SORCS1: variants seen among roughly 807,000 people sequenced by gnomAD.
SORCS1 encodes the protein sortilin related VPS10 domain containing receptor 1.
A neutral mutation model predicts 146.1 loss-of-function variants in SORCS1; 60 were observed. The ratio of observed to expected loss-of-function variants is 0.41; its 90% CI spans 0.33 to 0.51. The LOEUF is 0.51. Among genes scored for constraint, SORCS1 ranks in the 20% least tolerant of loss-of-function variants. The pLI is 0.21. For missense variants in SORCS1, 1,352 were observed against 1,487.6 expected, an observed-to-expected ratio of 0.91 and a Z score of 1.50; for synonymous variants, 637 against 584.0, an observed-to-expected ratio of 1.09 and a Z score of -1.31.
At chr10:106,767,278 G>C (rs1589833960) in intron 4 of SORCS1, among the ~76,000 whole-genome samples, 1 of 152,104 alleles carries the variant, frequency 6.6e-6, no homozygotes, top group Non-Finnish European at 1.5e-5. Flanking sequence ...TTCCCCAGCT[G>C]TCACTGAAGT....
intron 1 of SORCS1, among the ~76,000 whole-genome samples, chr10:106,969,459 A>T (rs1955661359): frequency 6.6e-6 from 1 of 152,210 alleles, no homozygotes; most frequent in African/African-American, 2.4e-5. Context: ...AGGCCTAGGT[A>T]CAGAAGGAAG....
In SORCS1 at chr10:107,137,522, T is replaced by C. The variant is rs191060221; in HGVS notation, c.558+26447A>G. Among the ~76,000 whole-genome samples the C allele has an allele frequency of 2.0e-5, 3 of 152,278 alleles. No individual in the cohort carries two copies. The East Asian group carries it at 5.8e-4, about 29-fold the overall frequency. ...ATAGTGTCAGTTACAAGAATATTCA[T>C]AGCAAAAATATCTGTCCCAAAACTG... On this transcript the variant is annotated intron_variant, in intron 1 of 25. Transcript: ENST00000263054.
Position 107,060,021 on chromosome 10 carries a change from A to T in SORCS1, c.559-103441T>A, listed in dbSNP as rs1822326402. Among the ~76,000 whole-genome samples the T allele has an allele frequency of 6.6e-6, 1 of 152,154 alleles. No homozygotes were observed. The highest frequency in any genetic ancestry group is 2.4e-5 in the African/African-American group (1 of 41,430). On this transcript the variant is annotated intron_variant, in intron 1 of 25. Transcript: ENST00000263054. The surrounding 1 kb of genome is among the most constrained non-coding windows in gnomAD (Gnocchi z 4.1). ...TCAAAGAATGCTTCTGACAGATGAC[A>T]CAGTGGTCTTTAATCTACCATGTGT...
At chr10:106,733,684 C>A (rs1044807841) in intron 5 of SORCS1, among the ~76,000 whole-genome samples, 4 of 152,168 alleles carry the variant, frequency 2.6e-5, no homozygotes, top group African/African-American at 9.7e-5. Flanking sequence ...CAAAGAAAAA[C>A]AGCATCAACA....
intron 24 of SORCS1, among the ~76,000 whole-genome samples, chr10:106,580,619 A>G (rs1844847217): frequency 6.6e-6 from 1 of 152,160 alleles, no homozygotes; most frequent in African/African-American, 2.4e-5. Context: ...GTGACCTTTA[A>G]TCACCATTTT....
intron 17 of SORCS1, among the ~76,000 whole-genome samples, chr10:106,655,013 C>T (rs945472247): frequency 7.2e-5 from 11 of 152,198 alleles, no homozygotes; most frequent in Middle Eastern, 3.4e-3. Flanking sequence ...TGTGCCACCA[C>T]GAATGGCTAA....
At chr10:106,947,189 T>C (rs1954390872) in intron 2 of SORCS1, among the ~76,000 whole-genome samples, 1 of 152,228 alleles carries the variant, frequency 6.6e-6, no homozygotes, top group Admixed American at 6.5e-5. Context: ...ATCTGCAAAC[T>C]ATTATTGCTT....
intron 5 of SORCS1, among the ~76,000 whole-genome samples, chr10:106,736,527 C>T (rs1856955836): frequency 7.1e-6 from 1 of 141,552 alleles, no homozygotes; most frequent in East Asian, 2.3e-4. Context: ...GTTTCCTCTC[C>T]TACAGTCAAG....
rs528800049 is a variant in SORCS1, at chr10:106,605,804, T to G, written c.3165+1362A>C. On this transcript the variant is annotated intron_variant, in intron 23 of 25. Coordinates refer to ENST00000263054, the MANE Select transcript of SORCS1 (RefSeq NM_052918.5). ...CTTCATTACTTGCACACAGAGAAAA[T>G]TATACAGGGGAGCCTTCTGCCAAGT... Among the ~76,000 whole-genome samples, 28 of 152,096 alleles carry G rather than the reference T, an allele frequency of 1.8e-4. No homozygotes were observed. In the South Asian group the frequency reaches 5.0e-3, roughly 27 times the overall value.
intron 1 of SORCS1, among the ~76,000 whole-genome samples, chr10:107,118,624 G>A (rs1183786304): frequency 3.9e-5 from 6 of 152,130 alleles, no homozygotes; most frequent in Non-Finnish European, 7.4e-5. Flanking sequence ...ACCGATGGGT[G>A]ACTATACAGA....
intron 8 of SORCS1, among the ~76,000 whole-genome samples, chr10:106,703,188 A>T (rs377669058): frequency 2.9e-4 from 44 of 152,132 alleles, no homozygotes; most frequent in African/African-American, 8.2e-4. Context: ...AAAAAAAAAA[A>T]AAATAAAGAA....
chr10:107,131,712 G>A (rs774013677), intron 1 of SORCS1, among the ~76,000 whole-genome samples: 13 of 152,292 alleles, frequency 8.5e-5, no homozygotes, highest in Non-Finnish European at 5.9e-5. Context: ...AAGCAAGACT[G>A]TCTCAAAAAC....
chr10:106,885,671 G>T (rs760543083), intron 2 of SORCS1, among the ~76,000 whole-genome samples: 1 of 152,108 alleles, frequency 6.6e-6, no homozygotes, highest in Admixed American at 6.5e-5. Flanking sequence ...GGTAATGGTA[G>T]CCATGTGATA....
At chr10:107,064,020 C>T (rs920341551) in intron 1 of SORCS1, among the ~76,000 whole-genome samples, 1 of 152,170 alleles carries the variant, frequency 6.6e-6, no homozygotes, top group Non-Finnish European at 1.5e-5. Context: ...CATTAACCAA[C>T]CATCTTCATT....
chr10:107,144,142 A>G (rs1055482636), intron 1 of SORCS1, among the ~76,000 whole-genome samples: 1 of 152,116 alleles, frequency 6.6e-6, no homozygotes, highest in African/African-American at 2.4e-5. Context: ...TTTATCTTTT[A>G]TATTTGCCAG....
intron 6 of SORCS1, among the ~76,000 whole-genome samples, chr10:106,720,296 G>A (rs1339789989): frequency 6.6e-6 from 1 of 152,080 alleles, no homozygotes; most frequent in Non-Finnish European, 1.5e-5. Flanking sequence ...TAGGTCCAGA[G>A]TGAAACAGAC....
At chr10:106,808,652 G>T (rs567684602) in intron 3 of SORCS1, among the ~76,000 whole-genome samples, 13 of 151,998 alleles carry the variant, frequency 8.6e-5, no homozygotes, top group Non-Finnish European at 1.9e-4. Context: ...ACAGGTGCCC[G>T]CCACCTCGCC....
At chr10:106,934,238 G>C (rs1176740346) in intron 2 of SORCS1, among the ~76,000 whole-genome samples, 1 of 151,832 alleles carries the variant, frequency 6.6e-6, no homozygotes, top group Non-Finnish European at 1.5e-5. Flanking sequence ...AAACAGTATG[G>C]AGATTTTTTA....
chr10:106,688,749 A>G (rs1301746627), intron 9 of SORCS1, among the ~76,000 whole-genome samples: 1 of 152,162 alleles, frequency 6.6e-6, no homozygotes, highest in Admixed American at 6.5e-5. Context: ...CCTCTTTGGT[A>G]TCGTTTATTC....
Sources: gnomAD v4.1 joint callset for allele counts (sites outside exome capture counted in the v4.1 genomes callset) on GRCh38, gnomAD v4.1.1 for gene constraint, Gnocchi (gnomAD v3.1) non-coding constraint, MANE v1.5 for transcripts, NCBI Gene and HGNC (gene_info 2026-07-23, HGNC 2026-07-21) for gene names.